The following CACNA1A variants were observed in gnomAD, a reference collection of about 807,000 sequenced individuals.
The protein encoded by CACNA1A is calcium voltage-gated channel subunit alpha1 A.
Under a neutral mutation model 262.4 loss-of-function variants are expected in CACNA1A, and 57 were observed. The observed-to-expected ratio is 0.22, with a 90% CI of 0.18 to 0.27. The LOEUF (loss-of-function observed/expected upper bound fraction) is 0.27. CACNA1A is among the 10% of genes least tolerant of loss of function. CACNA1A has a pLI of 1.00. For missense variants in CACNA1A, 2,526 were observed against 3,562.8 expected (o/e 0.71, Z 7.41); for synonymous variants, 1,431 against 1,419.3 (o/e 1.01, Z -0.18).
At position 13,296,668 on chromosome 19, in the gene CACNA1A, G is replaced by A. The variant is rs1407626732; in HGVS notation, c.3089+1876C>T. On this transcript the variant is annotated intron_variant, in intron 19 of 46. Coordinates refer to ENST00000360228, the MANE Select transcript of CACNA1A (RefSeq NM_001127222.2). ...GCCTCCCAAAGTGCTGGGACTACAG[G>A]CATGAGCCACCACATCCCGCTGCAT... 3.4e-5 allele frequency among the ~76,000 whole-genome samples: 5 copies of A among 148,882 alleles called. No homozygotes were observed. In the South Asian group the frequency reaches 6.4e-4, roughly 19 times the overall value.
rs759782636 is a variant in CACNA1A at position 13,330,283 on chromosome 19, C to T, written c.1306G>A (p.Glu436Lys). Residue 436 changes from glutamate (E) to lysine (K), a missense_variant, in exon 10 of 47, where the codon GAA becomes AAA. Around this residue, in one of 17 missense-constraint regions of CACNA1A, gnomAD observed 104 missense variants for 127.6 expected, o/e 0.81. Transcript: ENST00000360228. ...KKSKTDLLNPEEAEDQLADIA... is the reference protein window; with the variant it reads ...KKSKTDLLNPKEAEDQLADIA... ...TCAGCCAGCTGATCCTCAGCCTCTT[C>T]GGGGTTGAGCAAATCTGTCTTGCTT... is the stretch of plus-strand genomic sequence containing the variant. The T allele has an allele frequency of 2.2e-5, 35 of 1,563,072 alleles. 1 individual carries two copies. Among genetic ancestry groups the T allele is most frequent in the African/African-American group, 1.1e-4 (8 of 73,784 alleles).
At chr19:13,413,885 G>GAAAAGAAAAGAAAAGAAAAGAAAAGA (rs1555783286) in intron 3 of CACNA1A, among the ~76,000 whole-genome samples, 31 of 107,752 alleles carry the variant, frequency 2.9e-4, no homozygotes, top group African/African-American at 1.3e-3. Flanking sequence ...TGTCAAGAAA[G>GAAAAGAAAAGAAAAGAAAAGAAAAGA]AAAGAAAGAA....
chr19:13,265,845 CT>C lies in CACNA1A; in HGVS notation c.3990-3013del, dbSNP rs769952734. ...CATTGTCTGGTTTCTGTTAGATTTA[CT>C]TTTTTTTTTTTTTTTTGAGATGGCA... On this transcript the variant is annotated intron_variant, in intron 24 of 46. Transcript: ENST00000360228. Among the ~76,000 whole-genome samples, 482 of 137,620 alleles carry C rather than the reference CT, an allele frequency of 3.5e-3. 1 individual carries two copies. The highest frequency in any genetic ancestry group is 0.017 in the East Asian group (80 of 4,780). 90.3% of individuals were successfully genotyped at this position (137,620 alleles called of 152,430 possible).
At chr19:13,291,876 C>T (rs2057547229) in intron 19 of CACNA1A, among the ~76,000 whole-genome samples, 1 of 152,090 alleles carries the variant, frequency 6.6e-6, no homozygotes, top group Non-Finnish European at 1.5e-5. Context: ...TAACCACTCC[C>T]TACCCCCATG....
chr19:13,472,087 C>T (rs1315332790), intron 1 of CACNA1A, among the ~76,000 whole-genome samples: 2 of 152,006 alleles, frequency 1.3e-5, no homozygotes, highest in African/African-American at 2.4e-5. Context: ...CTCAGCCTCC[C>T]GGGTAGCTGG....
rs1568527951 is a variant in CACNA1A at position 13,317,086 on chromosome 19, CA to C, written c.1555+25del. 2.0e-6 allele frequency: 3 copies of C among 1,513,310 alleles called. No homozygotes were observed. The South Asian group carries it at 3.4e-5, about 17-fold the overall frequency. 93.7% of individuals were successfully genotyped at this position (1,513,310 alleles called of 1,614,324 possible). A position where few individuals can be genotyped will look rare whatever the true frequency, so the allele number is the denominator to read the frequency against. On this transcript the variant is annotated intron_variant, in intron 11 of 46. Transcript: ENST00000360228. The stretch of plus-strand genomic sequence containing the variant: ...TGTGAGGGAGGGATCAGGGAGTTGG[CA>C]GGGGTGGGGCTGGGTGATACTCACA...
chr19:13,262,424 C>T (rs1454109162), intron 25 of CACNA1A: 2 of 239,888 alleles, frequency 8.3e-6, no homozygotes, highest in East Asian at 1.8e-4. Flanking sequence ...AATCTAGTTC[C>T]TGCTTCCCAG....
intron 1 of CACNA1A, among the ~76,000 whole-genome samples, chr19:13,504,474 C>G (rs892589296): frequency 9.2e-5 from 14 of 152,142 alleles, no homozygotes; most frequent in African/African-American, 3.4e-4. Context: ...ACCCAGGATC[C>G]AAGCGCCAGG....
chr19:13,493,455 C>G (rs1300429250), intron 1 of CACNA1A, among the ~76,000 whole-genome samples: 3 of 152,188 alleles, frequency 2.0e-5, no homozygotes, highest in Admixed American at 1.3e-4. Flanking sequence ...TCGTGACAAC[C>G]AAAAACGTCT....
intron 6 of CACNA1A, among the ~76,000 whole-genome samples, chr19:13,351,822 AT>A (rs1291409115): frequency 5.3e-5 from 8 of 151,464 alleles, no homozygotes; most frequent in Admixed American, 1.3e-4. Flanking sequence ...AAAAAAAAAA[AT>A]TTTTTTAAGA....
intron 1 of CACNA1A, among the ~76,000 whole-genome samples, chr19:13,505,498 G>A (rs954212377): frequency 2.0e-5 from 3 of 152,188 alleles, no homozygotes; most frequent in Admixed American, 6.5e-5. Context: ...AGTGAGCGAC[G>A]GCCAAGAAAA....
In CACNA1A at chr19:13,332,831, C is replaced by T. The variant is rs374298155; in HGVS notation, c.1255+38G>A. 2,214 of 1,475,312 alleles carry T rather than the reference C, an allele frequency of 1.5e-3. 3 individuals are homozygous for T. Among genetic ancestry groups the T allele is most frequent in the Non-Finnish European group, 1.9e-3 (1,965 of 1,055,002 alleles). The allele number at this position is 1,475,312 out of a possible 1,614,324, so 91.4% of individuals were successfully genotyped here. Reference sequence around the variant, plus strand: ...CCCCACCACAGCTTCTCCCTTCTCCCCTGGGACCCACCCCTGAGGTGGGTT... The same window carrying T: ...CCCCACCACAGCTTCTCCCTTCTCCTCTGGGACCCACCCCTGAGGTGGGTT... On this transcript the variant is annotated intron_variant, in intron 9 of 46. Transcript: ENST00000360228.
At chr19:13,461,947 T>A (rs1285699476) in intron 1 of CACNA1A, among the ~76,000 whole-genome samples, 1 of 152,004 alleles carries the variant, frequency 6.6e-6, no homozygotes, top group Non-Finnish European at 1.5e-5. Flanking sequence ...CTATACACAA[T>A]GAAATTGATC....
intron 3 of CACNA1A, 47 bp from the exon 4 acceptor site, chr19:13,371,826 G>T: frequency 7.2e-7 from 1 of 1,397,166 alleles, no homozygotes. Context: ...GGTTTTGGGG[G>T]TCAGACAGCA....
chr19:13,292,938 A>C (rs1466063267), intron 19 of CACNA1A, among the ~76,000 whole-genome samples: 1 of 152,052 alleles, frequency 6.6e-6, no homozygotes, highest in Non-Finnish European at 1.5e-5. Flanking sequence ...TCTCCCGGCC[A>C]GATTGTTTGA....
chr19:13,277,266 G>C (rs569861132), intron 22 of CACNA1A, 138 bp from the exon 23 acceptor site: 34 of 607,548 alleles, frequency 5.6e-5, no homozygotes, highest in African/African-American at 4.1e-4. Flanking sequence ...AGTTGCGCAG[G>C]GCGTGCACTG....
intron 3 of CACNA1A, among the ~76,000 whole-genome samples, chr19:13,410,913 T>C (rs1758475333): frequency 6.6e-6 from 1 of 152,154 alleles, no homozygotes; most frequent in Non-Finnish European, 1.5e-5. Flanking sequence ...CCTCCTCATC[T>C]TCCCCAACCT....
chr19:13,325,152 T>C (rs949844505), intron 10 of CACNA1A, among the ~76,000 whole-genome samples: 1 of 146,846 alleles, frequency 6.8e-6, no homozygotes, highest in African/African-American at 2.5e-5. Context: ...CTTCTTCTTC[T>C]TCCTTCTTCC....
chr19:13,218,185 G>A (rs896198256), intron 38 of CACNA1A, among the ~76,000 whole-genome samples: 1 of 151,940 alleles, frequency 6.6e-6, no homozygotes, highest in African/African-American at 2.4e-5. Flanking sequence ...CGGCCTCCTA[G>A]TTTCAAGTGA....
Sources: gnomAD v4.1 joint callset for allele counts (sites outside exome capture counted in the v4.1 genomes callset) on GRCh38, gnomAD v4.1.1 for gene constraint, gnomAD v4.1.1 regional missense constraint, MANE v1.5 for transcripts, NCBI Gene and HGNC (gene_info 2026-07-23, HGNC 2026-07-21) for gene names.